SNX24: variants seen among roughly 807,000 people sequenced by gnomAD.
SNX24 encodes the protein sorting nexin 24.
A neutral mutation model predicts 28.7 loss-of-function variants in SNX24; 22 were observed. That is an observed-to-expected ratio of 0.77 (90% CI 0.55 to 1.10). The LOEUF (loss-of-function observed/expected upper bound fraction) is 1.10, where lower values mean the gene tolerates loss of function less well. Among genes scored for constraint, SNX24 ranks in the 50% least tolerant of loss-of-function variants. The pLI is 0.00. For synonymous variants in SNX24, 69 were observed against 71.5 expected (o/e 0.96, Z 0.18); for missense variants, 221 against 201.1 (o/e 1.10, Z -0.60).
At chr5:122,925,363 T>A (rs528294061) in intron 1 of SNX24, among the ~76,000 whole-genome samples, 1 of 149,566 alleles carries the variant, frequency 6.7e-6, no homozygotes, top group Admixed American at 6.7e-5. Context: ...GGGCTCTAGC[T>A]CCCTGGGCTC....
chr5:123,023,952 G>A, intron 5 of SNX24: 10 of 1,614,112 alleles, frequency 6.2e-6, no homozygotes, highest in Non-Finnish European at 8.5e-6. Context: ...CAGTTGGTGA[G>A]TGGACGGTCA....
At chr5:122,892,906 C>T (rs181521410) in intron 1 of SNX24, among the ~76,000 whole-genome samples, 8 of 152,068 alleles carry the variant, frequency 5.3e-5, no homozygotes, top group Non-Finnish European at 1.0e-4. Context: ...GCTGGGATTA[C>T]AGGCACGTGC....
At chr5:122,970,618 G>A (rs1202123364) in intron 3 of SNX24, among the ~76,000 whole-genome samples, 2 of 152,156 alleles carry the variant, frequency 1.3e-5, no homozygotes, top group African/African-American at 2.4e-5. Flanking sequence ...ACAGGTGCCC[G>A]CCACCCCGCC....
At chr5:122,888,547 A>T (rs1411279309) in intron 1 of SNX24, among the ~76,000 whole-genome samples, 1 of 152,218 alleles carries the variant, frequency 6.6e-6, no homozygotes, top group Non-Finnish European at 1.5e-5. Context: ...AGCACTTCAT[A>T]AATTCTGACA....
At chr5:122,875,783 G>C (rs1047399427) in intron 1 of SNX24, among the ~76,000 whole-genome samples, 1 of 152,136 alleles carries the variant, frequency 6.6e-6, no homozygotes, top group Non-Finnish European at 1.5e-5. Context: ...AAAACATGAG[G>C]AACACTTATT....
At chr5:122,896,744 A>G (rs938205442) in intron 1 of SNX24, among the ~76,000 whole-genome samples, 1 of 152,218 alleles carries the variant, frequency 6.6e-6, no homozygotes, top group Non-Finnish European at 1.5e-5. Flanking sequence ...TCTGTGATAG[A>G]CCACAGCTTA....
At chr5:122,934,995 G>T (rs376852023) in intron 1 of SNX24, among the ~76,000 whole-genome samples, 1 of 152,042 alleles carries the variant, frequency 6.6e-6, no homozygotes, top group Non-Finnish European at 1.5e-5. Context: ...GGCCTTCAAG[G>T]GGGGGCACTT....
intron 1 of SNX24, among the ~76,000 whole-genome samples, chr5:122,858,296 A>G (rs1755300456): frequency 6.6e-6 from 1 of 152,250 alleles, no homozygotes; most frequent in South Asian, 2.1e-4. Context: ...ACTGTGACAC[A>G]GAGACATAAA....
intron 1 of SNX24, among the ~76,000 whole-genome samples, chr5:122,921,830 A>G (rs1177844718): frequency 3.9e-5 from 6 of 152,166 alleles, no homozygotes; most frequent in Middle Eastern, 3.4e-3. Flanking sequence ...AAATGATTGT[A>G]TTTTTGCAAG....
At chr5:123,022,329 C>A (rs894026275) in intron 5 of SNX24, 1 of 152,188 alleles carries the variant, frequency 6.6e-6, no homozygotes, top group Non-Finnish European at 1.5e-5. Context: ...TGAGATGGAT[C>A]CTCACTGCTT....
At chr5:122,898,772 G>T (rs1046810167) in intron 1 of SNX24, among the ~76,000 whole-genome samples, 1 of 152,192 alleles carries the variant, frequency 6.6e-6, no homozygotes, top group Non-Finnish European at 1.5e-5. Flanking sequence ...TGAGTTGAAG[G>T]CATGAGCATT....
intron 1 of SNX24, among the ~76,000 whole-genome samples, chr5:122,880,992 A>T (rs538121538): frequency 6.6e-6 from 1 of 152,200 alleles, no homozygotes; most frequent in African/African-American, 2.4e-5. Flanking sequence ...ATTCTGTGGT[A>T]TCTGACTCTT....
chr5:122,957,739 C>T (rs1220894685), intron 3 of SNX24, among the ~76,000 whole-genome samples: 3 of 152,110 alleles, frequency 2.0e-5, no homozygotes, highest in Non-Finnish European at 4.4e-5. Context: ...AAGTCTTTCA[C>T]CTCCTTGGTT....
chr5:122,864,484 C>T (rs951455615), intron 1 of SNX24, among the ~76,000 whole-genome samples: 41 of 152,202 alleles, frequency 2.7e-4, no homozygotes, highest in African/African-American at 9.7e-4. Flanking sequence ...GCCTGCTGTG[C>T]AGGAAACTAG....
intron 2 of SNX24, 91 bp downstream of exon 2, chr5:122,936,908 A>C (rs1376853482): frequency 3.0e-6 from 2 of 670,954 alleles, no homozygotes; most frequent in Non-Finnish European, 5.0e-6. Flanking sequence ...AAGACCATTG[A>C]TATTTCTTGT....
intron 3 of SNX24, among the ~76,000 whole-genome samples, chr5:122,968,271 T>C (rs2150144730): frequency 6.6e-6 from 1 of 152,258 alleles, no homozygotes; most frequent in Non-Finnish European, 1.5e-5. Flanking sequence ...GGCTTGAACC[T>C]GGGAGGCGGA....
intron 3 of SNX24, among the ~76,000 whole-genome samples, chr5:122,979,306 C>T (rs1288320138): frequency 2.0e-5 from 3 of 152,222 alleles, no homozygotes; most frequent in African/African-American, 7.2e-5. Flanking sequence ...AGGGAAGATG[C>T]ATGGCTTACA....
chr5:122,946,020 T>TTTTTTTC (rs773149075), intron 2 of SNX24, 35 bp from the exon 3 acceptor site: 22 of 1,222,838 alleles, frequency 1.8e-5, no homozygotes, highest in East Asian at 1.5e-4. Flanking sequence ...CTCTGTTTTT[T>TTTTTTTC]TTTTTCTTTT....
intron 1 of SNX24, among the ~76,000 whole-genome samples, chr5:122,855,973 T>C (rs933992965): frequency 6.6e-6 from 1 of 152,206 alleles, no homozygotes; most frequent in Non-Finnish European, 1.5e-5. Context: ...TTTATTTATT[T>C]ACTTATTTTA....
Sources: allele counts gnomAD v4.1 joint callset (sites outside exome capture counted in the v4.1 genomes callset), GRCh38; gene constraint gnomAD v4.1.1; transcripts MANE v1.5; gene names NCBI Gene and HGNC (gene_info 2026-07-23, HGNC 2026-07-21).